The following PRKN variants were observed in gnomAD, a reference collection of about 807,000 sequenced individuals.
PRKN encodes E3 ubiquitin-protein ligase parkin.
In PRKN, 56 loss-of-function variants were observed where a neutral mutation model predicts 59.5. The ratio of observed to expected loss-of-function variants is 0.94; its 90% confidence interval spans 0.76 to 1.18. PRKN has a LOEUF of 1.18. Among genes scored for constraint, PRKN ranks in the 50% most tolerant of loss-of-function variants. The pLI is 0.00. For synonymous variants in PRKN, 250 were observed against 222.1 expected (o/e 1.13, Z -1.12); for missense variants, 657 against 596.4 (o/e 1.10, Z -1.06).
chr6:161,787,327 C>T (rs1402019900), intron 6 of PRKN, among the ~76,000 whole-genome samples: 1 of 152,182 alleles, frequency 6.6e-6, no homozygotes, highest in African/African-American at 2.4e-5. Context: ...TCAACTTAAT[C>T]TGAGCAAGGG....
In PRKN at chr6:161,399,382, C is replaced by T. The variant is rs1786921590; in HGVS notation, c.1084-12505G>A. On this transcript the variant is annotated intron_variant, in intron 9 of 11. Coordinates refer to ENST00000366898, the MANE Select transcript of PRKN (RefSeq NM_004562.3). This position sits in a 1 kb window ranked among gnomAD's most constrained non-coding sequence, Gnocchi z 4.4. ...AGCTGTTTAACACTTAAGCTGTCTG[C>T]AGACAGCAAAATTAAAAGAGCGCAC... is the stretch of plus-strand genomic sequence containing the variant. 6.6e-6 allele frequency among the ~76,000 whole-genome samples: 1 copy of T among 152,200 alleles called. No homozygotes were observed. Among genetic ancestry groups the T allele is most frequent in the South Asian group, 2.1e-4 (1 of 4,828 alleles).
At chr6:161,477,898 G>T (rs76801163) in intron 9 of PRKN, among the ~76,000 whole-genome samples, 1,649 of 152,254 alleles carry the variant, frequency 0.011, 32 homozygotes, top group African/African-American at 0.037. Context: ...ACAAGATGGC[G>T]ACCAGTCTCC....
rs944635579 is a variant in PRKN, at chr6:161,454,019, G to C, written c.1084-67142C>G. Among the ~76,000 whole-genome samples the C allele has an allele frequency of 2.0e-5, 3 of 151,992 alleles. No individual in the cohort carries two copies. Among genetic ancestry groups the C allele is most frequent in the African/African-American group, 7.2e-5 (3 of 41,384 alleles). On this transcript the variant is annotated intron_variant, in intron 9 of 11. Coordinates refer to ENST00000366898, the MANE Select transcript of PRKN (RefSeq NM_004562.3). This position sits in a 1 kb window ranked among gnomAD's most constrained non-coding sequence, Gnocchi z 4.6. ...TAACAGAAGTGTTTTCTTGGTGTCT[G>C]CAATGCAAATTCTGATGTCAGTAAA...
chr6:161,961,967 G>A (rs1251373590), intron 6 of PRKN, among the ~76,000 whole-genome samples: 1 of 152,042 alleles, frequency 6.6e-6, no homozygotes, highest in Non-Finnish European at 1.5e-5. Flanking sequence ...TCCACTTCCG[G>A]TGCACAGAAG....
chr6:162,358,085 A>G (rs1784952870), intron 2 of PRKN, among the ~76,000 whole-genome samples: 1 of 152,206 alleles, frequency 6.6e-6, no homozygotes, highest in Non-Finnish European at 1.5e-5. Context: ...ATAACGTATC[A>G]ATATTGCTTC....
intron 6 of PRKN, among the ~76,000 whole-genome samples, chr6:161,815,108 C>G (rs1303826573): frequency 1.3e-5 from 2 of 152,212 alleles, no homozygotes; most frequent in Non-Finnish European, 2.9e-5. Flanking sequence ...CGCATTTCAT[C>G]CCCAATTCAT....
intron 5 of PRKN, among the ~76,000 whole-genome samples, chr6:162,019,028 C>A (rs960455167): frequency 3.9e-5 from 6 of 152,166 alleles, no homozygotes; most frequent in Admixed American, 3.9e-4. Context: ...CCTTCTAGAA[C>A]TTTGGTGATC....
Position 161,385,356 on chromosome 6 carries a change from G to A in PRKN, c.1167+1438C>T, listed in dbSNP as rs965576244. 3.9e-5 allele frequency among the ~76,000 whole-genome samples: 6 copies of A among 152,120 alleles called. No homozygotes were observed. Among genetic ancestry groups the A allele is most frequent in the Non-Finnish European group, 8.8e-5 (6 of 68,012 alleles). On this transcript the variant is annotated intron_variant, in intron 10 of 11. Transcript: ENST00000366898. The surrounding 1 kb of genome is among the most constrained non-coding windows in gnomAD (Gnocchi z 4.9). ...AGTTCCCCCGATGCTGGACATCTAT[G>A]GTTTAGGTCATCTCTAACTTTCTTT...
rs1241216552 is a variant in PRKN at position 162,010,916 on chromosome 6, TATATAATATATA to T, written c.619-37511_619-37500del. Among the ~76,000 whole-genome samples the T allele has an allele frequency of 4.2e-3, 65 of 15,376 alleles. 10 individuals carry two copies. The highest frequency in any genetic ancestry group is 0.036 in the African/African-American group (63 of 1,764). 10.1% of individuals were successfully genotyped at this position (15,376 alleles called of 152,430 possible). ...ATTATATATACTATAATATATTAAA[TATATAATATATA>T]ATATAATATATAATATATAATATAT... On this transcript the variant is annotated intron_variant, in intron 5 of 11. Transcript: ENST00000366898.
chr6:162,304,756 G>T (rs886800216), intron 2 of PRKN, among the ~76,000 whole-genome samples: 2 of 150,650 alleles, frequency 1.3e-5, no homozygotes, highest in Non-Finnish European at 3.0e-5. Context: ...CTGTCTCAAG[G>T]GTCCTGGGGA....
intron 6 of PRKN, among the ~76,000 whole-genome samples, chr6:161,917,618 G>A (rs1464850041): frequency 6.6e-6 from 1 of 152,094 alleles, no homozygotes; most frequent in Non-Finnish European, 1.5e-5. Flanking sequence ...TTAGACCTCT[G>A]GCTTTGGAAG....
At chr6:162,591,256 G>T (rs1781295242) in intron 1 of PRKN, among the ~76,000 whole-genome samples, 1 of 151,864 alleles carries the variant, frequency 6.6e-6, no homozygotes, top group Non-Finnish European at 1.5e-5. Flanking sequence ...TCAGAACTTT[G>T]TTTTTCTTTA....
chr6:162,440,100 T>G (rs1254318300), intron 2 of PRKN, among the ~76,000 whole-genome samples: 2 of 151,632 alleles, frequency 1.3e-5, no homozygotes, highest in Admixed American at 1.3e-4. Flanking sequence ...GCCAGATCAT[T>G]CGTTTTCAAT....
intron 6 of PRKN, among the ~76,000 whole-genome samples, chr6:161,852,882 C>T (rs1475649006): frequency 2.0e-5 from 3 of 152,054 alleles, no homozygotes; most frequent in African/African-American, 4.8e-5. Flanking sequence ...GTGAGCACCG[C>T]GTGGGCCTCT....
At chr6:162,443,163 A>T in intron 2 of PRKN, 147 bp downstream of exon 2, 2 of 751,784 alleles carry the variant, frequency 2.7e-6, no homozygotes, top group Non-Finnish European at 4.3e-6. Context: ...GGTCAGAATT[A>T]ATGAAGCAGT....
intron 4 of PRKN, among the ~76,000 whole-genome samples, chr6:162,160,860 C>CAG (rs1270960385): frequency 7.2e-6 from 1 of 138,982 alleles, no homozygotes; most frequent in African/African-American, 2.8e-5. Context: ...CACTGTACTC[C>CAG]AGCCTGGGCA....
chr6:161,762,636 C>T (rs920623464), intron 7 of PRKN, among the ~76,000 whole-genome samples: 6 of 152,122 alleles, frequency 3.9e-5, no homozygotes, highest in African/African-American at 1.4e-4. Flanking sequence ...ATTTAAATAA[C>T]TACAAAAACC....
In PRKN at chr6:161,413,225, C is replaced by T. The variant is rs569842692; in HGVS notation, c.1084-26348G>A. On this transcript the variant is annotated intron_variant, in intron 9 of 11. Coordinates refer to ENST00000366898, the MANE Select transcript of PRKN (RefSeq NM_004562.3). This position sits in a 1 kb window ranked among gnomAD's most constrained non-coding sequence, Gnocchi z 4.4. ...TTATTTGTGGAAACCCACTGTCTCCCGGACACTGGCCTCCAGGGCACGGTC... is the reference window on the plus strand; with the variant it reads ...TTATTTGTGGAAACCCACTGTCTCCTGGACACTGGCCTCCAGGGCACGGTC... 2.6e-5 allele frequency among the ~76,000 whole-genome samples: 4 copies of T among 152,284 alleles called. No individual in the cohort carries two copies. The highest frequency in any genetic ancestry group is 3.9e-4 in the East Asian group (2 of 5,178).
chr6:161,720,925 G>A (rs1787194710), intron 7 of PRKN, among the ~76,000 whole-genome samples: 1 of 152,152 alleles, frequency 6.6e-6, no homozygotes, highest in Admixed American at 6.5e-5. Flanking sequence ...TCAGAAGTAT[G>A]CATTACTTCC....
Sources: allele counts gnomAD v4.1 joint callset (sites outside exome capture counted in the v4.1 genomes callset), GRCh38; gene constraint gnomAD v4.1.1; non-coding constraint Gnocchi (gnomAD v3.1); transcripts MANE v1.5; gene names NCBI Gene and HGNC (gene_info 2026-07-23, HGNC 2026-07-21).